KAT7: variants seen among roughly 807,000 people sequenced by gnomAD.
KAT7 encodes lysine acetyltransferase 7, also known as histone acetyltransferase KAT7.
A neutral mutation model predicts 82.1 loss-of-function variants in KAT7; 10 were observed. The observed-to-expected ratio is 0.12, with a 90% CI of 0.08 to 0.21. The LOEUF is 0.21. Ranked by LOEUF, KAT7 falls within the 10% of genes least tolerant of loss-of-function variation. The probability of loss-of-function intolerance (pLI) is 1.00; values close to 1 mark genes in which losing one functional copy is unlikely to be tolerated. For missense variants in KAT7, 378 were observed against 760.9 expected (o/e 0.50, Z 5.92); for synonymous variants, 250 against 262.5 (o/e 0.95, Z 0.46).
At chr17:49,790,216 G>A (rs1167763491) in intron 1 of KAT7, among the ~76,000 whole-genome samples, 1 of 152,032 alleles carries the variant, frequency 6.6e-6, no homozygotes, top group Non-Finnish European at 1.5e-5. Flanking sequence ...TTGTTTTTGA[G>A]ACGAGGTTTT....
intron 1 of KAT7, among the ~76,000 whole-genome samples, chr17:49,791,529 G>A (rs2073889182): frequency 6.6e-6 from 1 of 152,168 alleles, no homozygotes; most frequent in South Asian, 2.1e-4. Flanking sequence ...ATGGTGGCGG[G>A]CGCCTGTAGT....
At chr17:49,821,071 T>A (rs2074297690) in intron 9 of KAT7, among the ~76,000 whole-genome samples, 1 of 152,184 alleles carries the variant, frequency 6.6e-6, no homozygotes, top group Admixed American at 6.5e-5. Flanking sequence ...TAGTGGGTGA[T>A]TTTAATCTCC....
intron 6 of KAT7, 148 bp downstream of exon 6, chr17:49,809,356 A>G (rs2074132569): frequency 1.6e-6 from 1 of 634,002 alleles, no homozygotes; most frequent in Admixed American, 3.0e-5. Flanking sequence ...TTTTTCAAAC[A>G]GTAAATTTTC....
At position 49,828,706 on chromosome 17, in the gene KAT7, T is replaced by G. The variant is rs1317024411; in HGVS notation, c.*1204T>G. On this transcript the variant is annotated 3_prime_UTR_variant, in exon 15 of 15. Transcript: ENST00000259021. ...GTTGTTCAAGTGAAGGAAGAGATGT[T>G]CCCTCTAATTTCTCTCTAGCCCATT... 6.5e-6 allele frequency: 1 copy of G among 152,856 alleles called. No individual in the cohort carries two copies. Among genetic ancestry groups the G allele is most frequent in the Non-Finnish European group, 1.5e-5 (1 of 68,042 alleles). 9.5% of individuals were successfully genotyped at this position (152,856 alleles called of 1,614,324 possible).
At chr17:49,796,469 G>T (rs915841298) in intron 2 of KAT7, among the ~76,000 whole-genome samples, 1 of 152,174 alleles carries the variant, frequency 6.6e-6, no homozygotes, top group Non-Finnish European at 1.5e-5. Context: ...AAAATAACTT[G>T]CCCAAGATGC....
chr17:49,811,214 C>T (rs895448474), intron 6 of KAT7, among the ~76,000 whole-genome samples: 20 of 151,582 alleles, frequency 1.3e-4, no homozygotes, highest in Non-Finnish European at 8.8e-5. Context: ...TCAGGTGATT[C>T]TCCCACCTCA....
intron 11 of KAT7, among the ~76,000 whole-genome samples, chr17:49,822,827 G>C (rs556315172): frequency 1.3e-4 from 20 of 152,112 alleles, no homozygotes; most frequent in African/African-American, 4.8e-4. Flanking sequence ...TCCCTTTGCA[G>C]AATGGGGACT....
chr17:49,803,360 A>G (rs914238088), intron 4 of KAT7, among the ~76,000 whole-genome samples: 1 of 151,898 alleles, frequency 6.6e-6, no homozygotes, highest in Non-Finnish European at 1.5e-5. Flanking sequence ...GGCCTCCCAA[A>G]GTGCTAGGAT....
At position 49,829,812 on chromosome 17, in the gene KAT7, AAAC is replaced by A. The variant is rs2074407824; in HGVS notation, c.*2311_*2313del. The A allele has an allele frequency of 1.3e-5, 2 of 152,124 alleles. No homozygotes were observed. Among genetic ancestry groups the A allele is most frequent in the Non-Finnish European group, 2.9e-5 (2 of 68,032 alleles). 9.4% of individuals were successfully genotyped at this position (152,124 alleles called of 1,614,324 possible). A position where few individuals can be genotyped will look rare whatever the true frequency, so the allele number is the denominator to read the frequency against. ...AATAAAAGGATTTATTATCTCATTT[AAAC>A]CCCCACAGGTGTGGAAACAGAGTTT... On this transcript the variant is annotated 3_prime_UTR_variant, in exon 15 of 15. Coordinates refer to ENST00000259021, the MANE Select transcript of KAT7 (RefSeq NM_007067.5).
intron 1 of KAT7, chr17:49,789,106 G>C (rs950314407): frequency 1.1e-5 from 4 of 369,462 alleles, no homozygotes; most frequent in Non-Finnish European, 2.0e-5. Flanking sequence ...GAAACGTCTG[G>C]AAGCATATTG....
intron 2 of KAT7, among the ~76,000 whole-genome samples, chr17:49,792,391 G>A (rs1412347743): frequency 6.6e-6 from 1 of 151,926 alleles, no homozygotes; most frequent in Non-Finnish European, 1.5e-5. Context: ...TGAGGCTTAG[G>A]GACTTGAAGT....
chr17:49,802,462 A>G (rs1028243647), intron 4 of KAT7, among the ~76,000 whole-genome samples: 3 of 152,136 alleles, frequency 2.0e-5, no homozygotes, highest in Admixed American at 1.3e-4. Flanking sequence ...GAGGTCAGGA[A>G]TTCGAGACCA....
At position 49,833,390 on chromosome 17, in the gene KAT7, A is replaced by G. The variant is rs1486025626; in HGVS notation, c.*5888A>G. On this transcript the variant is annotated 3_prime_UTR_variant, in exon 15 of 15. Transcript: ENST00000259021. Reference sequence around the variant, plus strand: ...AGAAACCTACACTCTTATCTCACAAATTTAGAGGTGTGGTAGATCATCTCC... The same window carrying G: ...AGAAACCTACACTCTTATCTCACAAGTTTAGAGGTGTGGTAGATCATCTCC... 1 of 152,226 alleles carries G rather than the reference A, an allele frequency of 6.6e-6. No homozygotes were observed. The highest frequency in any genetic ancestry group is 2.4e-5 in the African/African-American group (1 of 41,456). 9.4% of individuals were successfully genotyped at this position (152,226 alleles called of 1,614,324 possible).
intron 9 of KAT7, among the ~76,000 whole-genome samples, chr17:49,819,223 AG>A (rs1370238851): frequency 2.6e-5 from 4 of 152,074 alleles, no homozygotes; most frequent in African/African-American, 9.7e-5. Context: ...TTATGTTCCC[AG>A]TTCAGGAGCA....
chr17:49,795,065 C>T (rs1324415966), intron 2 of KAT7, among the ~76,000 whole-genome samples: 1 of 150,712 alleles, frequency 6.6e-6, no homozygotes, highest in Non-Finnish European at 1.5e-5. Flanking sequence ...GTGAGGCTGA[C>T]ACCGCGCCCT....
At position 49,826,776 on chromosome 17, in the gene KAT7, A is replaced by G. The variant is rs1233916282; in HGVS notation, c.1711A>G (p.Lys571Glu). 6.2e-7 allele frequency: 1 copy of G among 1,610,566 alleles called. No individual in the cohort carries two copies. Among genetic ancestry groups the G allele is most frequent in the African/African-American group, 1.3e-5 (1 of 74,830 alleles). The change falls in exon 14 of 15, where the codon AAA (lysine) becomes GAA (glutamate). Residue 571 changes from lysine (K) to glutamate (E), a missense_variant. By Grantham distance (56) the Lys-to-Glu change is moderately conservative (BLOSUM62 1). Coordinates refer to ENST00000259021, the MANE Select transcript of KAT7 (RefSeq NM_007067.5). The part of the protein sequence containing the change: ...ALQMLKYWKG[K>E]HLVLKRQDLI... ...TCAGATGCTCAAATACTGGAAGGGAAAACACCTAGTTTTAAAGAGACAGGT... is the reference window on the plus strand; with the variant it reads ...TCAGATGCTCAAATACTGGAAGGGAGAACACCTAGTTTTAAAGAGACAGGT...
intron 6 of KAT7, among the ~76,000 whole-genome samples, chr17:49,809,787 G>C (rs1167016013): frequency 6.6e-6 from 1 of 152,260 alleles, no homozygotes; most frequent in East Asian, 1.9e-4. Flanking sequence ...CCTGTACCAA[G>C]AACAGATGGT....
At chr17:49,807,432 G>A (rs566858680) in intron 5 of KAT7, among the ~76,000 whole-genome samples, 5 of 152,306 alleles carry the variant, frequency 3.3e-5, no homozygotes, top group Admixed American at 2.6e-4. Flanking sequence ...AAGTGCAGAG[G>A]CCATGAGGCG....
At position 49,834,868 on chromosome 17, in the gene KAT7, G is replaced by A. The variant is rs555191860; in HGVS notation, c.*7366G>A. The A allele has an allele frequency of 6.6e-6, 1 of 152,308 alleles. No homozygotes were observed. Among genetic ancestry groups the A allele is most frequent in the African/African-American group, 2.4e-5 (1 of 41,532 alleles). 9.4% of individuals were successfully genotyped at this position (152,308 alleles called of 1,614,324 possible). On this transcript the variant is annotated 3_prime_UTR_variant, in exon 15 of 15. Transcript: ENST00000259021. Reference sequence around the variant, plus strand: ...CCTACAAAAAAATTAGTTGGGCATGGTGGTGTGCACCCGTAGTGCCAGCTA... The same window carrying A: ...CCTACAAAAAAATTAGTTGGGCATGATGGTGTGCACCCGTAGTGCCAGCTA...
Sources: allele counts gnomAD v4.1 joint callset (sites outside exome capture counted in the v4.1 genomes callset), GRCh38; gene constraint gnomAD v4.1.1; transcripts MANE v1.5; gene names NCBI Gene and HGNC (gene_info 2026-07-23, HGNC 2026-07-21).